The following EBF2 variants were observed in gnomAD, a reference collection of about 807,000 sequenced individuals.
The protein encoded by EBF2 is transcription factor COE2.
EBF2 carries 21 observed loss-of-function variants against 72.8 expected under a neutral mutation model. That is an observed-to-expected ratio of 0.29 (90% CI 0.20 to 0.42). EBF2 has a LOEUF of 0.42. EBF2 is among the 10% of genes least tolerant of loss of function. The probability of loss-of-function intolerance (pLI) is 1.00; values close to 1 mark genes in which losing one functional copy is unlikely to be tolerated. For missense variants in EBF2, 637 were observed against 731.2 expected (o/e 0.87, Z 1.49); for synonymous variants, 299 against 274.2 (o/e 1.09, Z -0.89).
rs558542353 is a variant in EBF2, at chr8:25,850,646, G to T, written c.1644C>A (p.Pro548=). 260 of 1,567,388 alleles carry T rather than the reference G, an allele frequency of 1.7e-4. 2 individuals carry two copies. In the South Asian group the frequency reaches 2.6e-3, roughly 16 times the overall value. The change falls in exon 15 of 16, where the codon CCC becomes CCA. Residue 548 remains proline, a synonymous_variant. Coordinates refer to ENST00000520164, the MANE Select transcript of EBF2 (RefSeq NM_022659.4). ...QKSAFAPVIR[P]QGSPSPACSS... ...AGCAGGCAGGTGAAGGGGAGCCTTG[G>T]GGCCTGATGACAGGGGCAAAGGCAC...
chr8:25,952,597 A>G (rs887346664), intron 6 of EBF2, among the ~76,000 whole-genome samples: 5 of 152,042 alleles, frequency 3.3e-5, no homozygotes, highest in Non-Finnish European at 5.9e-5. Context: ...CTCATGCCCA[A>G]CCTGCCCTGC....
chr8:25,953,823 C>T (rs1803900783), intron 6 of EBF2, among the ~76,000 whole-genome samples: 1 of 152,224 alleles, frequency 6.6e-6, no homozygotes, highest in Admixed American at 6.5e-5. Flanking sequence ...CAGAGCTGGA[C>T]ACTCAAATCC....
intron 6 of EBF2, among the ~76,000 whole-genome samples, chr8:25,965,310 A>G (rs532007835): frequency 1.1e-4 from 16 of 152,174 alleles, no homozygotes; most frequent in Non-Finnish European, 2.2e-4. Flanking sequence ...TTTGTGTAAC[A>G]TATTTTGTTA....
chr8:25,998,353 A>G (rs950950420), intron 6 of EBF2, among the ~76,000 whole-genome samples: 7 of 152,206 alleles, frequency 4.6e-5, no homozygotes, highest in African/African-American at 1.7e-4. Flanking sequence ...GAGAAGAGAG[A>G]AACTGGTGGC....
intron 5 of EBF2, among the ~76,000 whole-genome samples, chr8:26,033,384 C>T (rs903293906): frequency 5.3e-5 from 8 of 152,142 alleles, no homozygotes; most frequent in Admixed American, 6.5e-5. Flanking sequence ...TGTGTGCCAC[C>T]GCGCCCAGCT....
At chr8:25,987,675 G>T (rs976971102) in intron 6 of EBF2, among the ~76,000 whole-genome samples, 2 of 152,040 alleles carry the variant, frequency 1.3e-5, no homozygotes, top group East Asian at 1.9e-4. Context: ...CAGAACCCAG[G>T]TCTCCTAACT....
chr8:26,038,116 A>G (rs1563216102), intron 5 of EBF2, among the ~76,000 whole-genome samples: 1 of 152,230 alleles, frequency 6.6e-6, no homozygotes, highest in Non-Finnish European at 1.5e-5. Flanking sequence ...GACAGATTGA[A>G]TGAGAACTTC....
chr8:25,899,344 G>A (rs549281575), intron 7 of EBF2, among the ~76,000 whole-genome samples: 6 of 151,974 alleles, frequency 3.9e-5, no homozygotes, highest in Non-Finnish European at 7.4e-5. Flanking sequence ...GATCAGAGAG[G>A]CCATAAGTCA....
chr8:26,005,279 T>TTATATATTATATATAA (rs1554480810), intron 6 of EBF2, among the ~76,000 whole-genome samples: 1 of 2,188 alleles, frequency 4.6e-4, no homozygotes, highest in African/African-American at 2.1e-3. Context: ...ATATATATAA[T>TTATATATTATATATAA]TATATAATTA....
chr8:25,878,814 A>G (rs1203760476), intron 10 of EBF2, among the ~76,000 whole-genome samples: 1 of 152,100 alleles, frequency 6.6e-6, no homozygotes, highest in Non-Finnish European at 1.5e-5. Flanking sequence ...CAAACTCCTG[A>G]GTCCCTCCCC....
chr8:25,887,586 C>T (rs1357680140), intron 9 of EBF2, among the ~76,000 whole-genome samples: 3 of 151,926 alleles, frequency 2.0e-5, no homozygotes, highest in Non-Finnish European at 4.4e-5. Context: ...TGAGCATATC[C>T]TTTTTCCTGT....
At chr8:25,988,227 G>A (rs1028544079) in intron 6 of EBF2, among the ~76,000 whole-genome samples, 6 of 152,110 alleles carry the variant, frequency 3.9e-5, no homozygotes, top group African/African-American at 1.4e-4. Context: ...TCAAAGAGCT[G>A]CCCACAGAGC....
chr8:25,907,073 G>T (rs1803046252), intron 7 of EBF2, among the ~76,000 whole-genome samples: 1 of 151,998 alleles, frequency 6.6e-6, no homozygotes, highest in South Asian at 2.1e-4. Flanking sequence ...AGCAGGACCA[G>T]CTACATAATT....
chr8:26,010,988 T>TACACACACACACAC (rs36211488), intron 6 of EBF2, among the ~76,000 whole-genome samples: 17,869 of 150,726 alleles, frequency 0.12, 1,182 homozygotes, highest in Non-Finnish European at 0.16. Flanking sequence ...TATGTGTGCA[T>TACACACACACACAC]ACACACACAC....
intron 6 of EBF2, among the ~76,000 whole-genome samples, chr8:25,957,742 T>G (rs1482621718): frequency 6.6e-6 from 1 of 152,212 alleles, no homozygotes; most frequent in Non-Finnish European, 1.5e-5. Flanking sequence ...GGCACGCACC[T>G]GTAGTCCCAG....
intron 7 of EBF2, among the ~76,000 whole-genome samples, chr8:25,905,963 A>G (rs1347166972): frequency 1.3e-5 from 2 of 152,214 alleles, no homozygotes; most frequent in African/African-American, 2.4e-5. Flanking sequence ...CAAAAGTCAA[A>G]TACTTTCACA....
At chr8:25,959,212 A>G (rs1328590472) in intron 6 of EBF2, among the ~76,000 whole-genome samples, 1 of 152,104 alleles carries the variant, frequency 6.6e-6, no homozygotes, top group Admixed American at 6.6e-5. Flanking sequence ...ATGCTTGCTT[A>G]AAGTTTTTTT....
At chr8:25,947,657 G>C (rs138944664) in intron 6 of EBF2, among the ~76,000 whole-genome samples, 1 of 152,266 alleles carries the variant, frequency 6.6e-6, no homozygotes, top group Non-Finnish European at 1.5e-5. Flanking sequence ...ACCCTTAAGT[G>C]CACCCTATTG....
intron 6 of EBF2, among the ~76,000 whole-genome samples, chr8:25,980,745 C>A (rs966148705): frequency 2.1e-5 from 3 of 141,264 alleles, no homozygotes; most frequent in African/African-American, 7.9e-5. Context: ...AATTTCTAGA[C>A]CGATGACCTT....
Sources: allele counts gnomAD v4.1 joint callset (sites outside exome capture counted in the v4.1 genomes callset), GRCh38; gene constraint gnomAD v4.1.1; transcripts MANE v1.5; gene names NCBI Gene and HGNC (gene_info 2026-07-23, HGNC 2026-07-21).